The following NIPSNAP2 variants were observed in gnomAD, a reference collection of about 807,000 sequenced individuals.
NIPSNAP2 encodes the protein protein NipSnap homolog 2.
A neutral mutation model predicts 48.4 loss-of-function variants in NIPSNAP2; 42 were observed. The ratio of observed to expected loss-of-function variants is 0.87; its 90% confidence interval spans 0.68 to 1.12. NIPSNAP2 has a LOEUF of 1.12. NIPSNAP2 is among the 50% of genes most tolerant of loss of function. The pLI is 0.00. For synonymous variants in NIPSNAP2, 158 were observed against 126.6 expected (o/e 1.25, Z -1.67); for missense variants, 314 against 347.3 (o/e 0.90, Z 0.76).
At chr7:55,974,982 T>C (rs1281684153) in intron 1 of NIPSNAP2, among the ~76,000 whole-genome samples, 1 of 152,032 alleles carries the variant, frequency 6.6e-6, no homozygotes, top group African/African-American at 2.4e-5. Flanking sequence ...ATTCTGGACA[T>C]TTATGCTGGC....
intron 1 of NIPSNAP2, among the ~76,000 whole-genome samples, chr7:55,969,398 C>G (rs1307106253): frequency 6.6e-6 from 1 of 152,186 alleles, no homozygotes; most frequent in African/African-American, 2.4e-5. Context: ...TTGGCCTTCA[C>G]TGGTTCTGCT....
At chr7:55,993,846 A>G (rs137912585) in intron 7 of NIPSNAP2, among the ~76,000 whole-genome samples, 1 of 152,102 alleles carries the variant, frequency 6.6e-6, no homozygotes, top group African/African-American at 2.4e-5. Flanking sequence ...GGCACAATGT[A>G]TATTAGTACT....
At chr7:55,981,451 G>A in intron 3 of NIPSNAP2, 22 bp from the exon 4 acceptor site, 2 of 1,589,712 alleles carry the variant, frequency 1.3e-6, no homozygotes, top group Non-Finnish European at 1.7e-6. Context: ...TTTAATTAGT[G>A]TTGCTGTTTC....
Position 55,983,860 on chromosome 7 carries a change from C to G in NIPSNAP2, c.577C>G (p.Gln193Glu). ...TAATATATATGAACTCAGGTCTTAC[C>G]AACTCCGAGTAAGTACAGAAATATA... ...GPNIYELRSY[Q>E]LRPGTMIEWG... Residue 193 changes from glutamine (Q) to glutamate (E), a missense_variant, in exon 6 of 10, where the codon CAA becomes GAA. Gln to Glu is a conservative substitution (Grantham distance 29). Transcript: ENST00000322090. 6.2e-7 allele frequency: 1 copy of G among 1,613,050 alleles called. No individual in the cohort carries two copies. The highest frequency in any genetic ancestry group is 8.5e-7 in the Non-Finnish European group (1 of 1,179,674).
intron 1 of NIPSNAP2, among the ~76,000 whole-genome samples, chr7:55,970,362 G>A (rs1179961173): frequency 6.7e-6 from 1 of 150,350 alleles, no homozygotes; most frequent in East Asian, 2.0e-4. Context: ...AGGCTGGAGA[G>A]CAGTGGCGTG....
rs1365563780 is a variant in NIPSNAP2, at chr7:56,000,099, A to T, written c.*1027A>T. 1 of 152,650 alleles carries T rather than the reference A, an allele frequency of 6.6e-6. No homozygotes were observed. The highest frequency in any genetic ancestry group is 6.5e-5 in the Admixed American group (1 of 15,274). 9.5% of individuals were successfully genotyped at this position (152,650 alleles called of 1,614,324 possible). On this transcript the variant is annotated 3_prime_UTR_variant, in exon 10 of 10. Transcript: ENST00000322090. ...TATGTGTAAAGTGTGAATAAATCTCATATCAAATGTCAAACTTTTACATGT... is the reference window on the plus strand; with the variant it reads ...TATGTGTAAAGTGTGAATAAATCTCTTATCAAATGTCAAACTTTTACATGT...
chr7:55,983,603 G>A, intron 5 of NIPSNAP2, 125 bp from the exon 6 acceptor site: 3 of 851,138 alleles, frequency 3.5e-6, no homozygotes, highest in Non-Finnish European at 5.5e-6. Flanking sequence ...AACTGGGACT[G>A]TCTCAGGCCA....
At chr7:55,970,784 C>A (rs1439823126) in intron 1 of NIPSNAP2, among the ~76,000 whole-genome samples, 2 of 152,080 alleles carry the variant, frequency 1.3e-5, no homozygotes, top group African/African-American at 4.8e-5. Flanking sequence ...CATGTTGTTC[C>A]CATTGACTGG....
intron 7 of NIPSNAP2, among the ~76,000 whole-genome samples, chr7:55,989,552 GC>G (rs769533959): frequency 6.6e-6 from 1 of 152,062 alleles, no homozygotes; most frequent in Non-Finnish European, 1.5e-5. Context: ...TTGAGCCCTT[GC>G]TGTTGAGGCT....
chr7:55,995,446 A>G (rs1487497316), intron 8 of NIPSNAP2, among the ~76,000 whole-genome samples: 2 of 151,736 alleles, frequency 1.3e-5, no homozygotes, highest in Non-Finnish European at 2.9e-5. Context: ...ATCCCCACAC[A>G]CTTTTGTTTG....
intron 1 of NIPSNAP2, among the ~76,000 whole-genome samples, chr7:55,972,835 G>T (rs1787041224): frequency 6.6e-6 from 1 of 152,116 alleles, no homozygotes; most frequent in African/African-American, 2.4e-5. Flanking sequence ...GGGTGTGGTG[G>T]TTCACGCCTA....
chr7:55,970,181 T>A (rs1247975379), intron 1 of NIPSNAP2, among the ~76,000 whole-genome samples: 8 of 151,940 alleles, frequency 5.3e-5, no homozygotes, highest in Admixed American at 5.3e-4. Context: ...CTAGTGAGTA[T>A]TTATTGAGTG....
In NIPSNAP2 at chr7:55,978,170, T is replaced by C; in HGVS notation, c.137T>C (p.Leu46Pro). 17 of 1,614,184 alleles carry C rather than the reference T, an allele frequency of 1.1e-5. No individual in the cohort carries two copies. Among genetic ancestry groups the C allele is most frequent in the Non-Finnish European group, 1.4e-5 (16 of 1,180,036 alleles). Residue 46 changes from leucine to proline, a missense_variant, in exon 2 of 10, where the codon CTA becomes CCA. Leu to Pro is a moderately conservative substitution (Grantham distance 98). This residue lies in a region of NIPSNAP2 where 198 missense variants were observed against 185.5 expected (regional missense o/e 1.07). Transcript: ENST00000322090. ...AACAGATCTCGAGAAGACAGCTGGC[T>C]AAAATCCTTATTTGTCCGGAAAGTT... The part of the protein sequence containing the change: ...SSNRSREDSW[L>P]KSLFVRKVDP...
At chr7:55,979,495 T>C in intron 3 of NIPSNAP2, 1 of 282,664 alleles carries the variant, frequency 3.5e-6, no homozygotes, top group Non-Finnish European at 7.0e-6. Flanking sequence ...GTTCCTTAGT[T>C]CTCTGTGGTG....
At chr7:55,989,472 A>G (rs923794129) in intron 7 of NIPSNAP2, among the ~76,000 whole-genome samples, 35 of 152,062 alleles carry the variant, frequency 2.3e-4, no homozygotes, top group African/African-American at 8.5e-4. Flanking sequence ...AAAAAATACT[A>G]AATTAGCCAG....
intron 1 of NIPSNAP2, among the ~76,000 whole-genome samples, chr7:55,972,308 CAAA>C (rs139960312): frequency 7.1e-6 from 1 of 141,294 alleles, no homozygotes; most frequent in South Asian, 2.2e-4. Flanking sequence ...GACTCTGTCT[CAAA>C]AAAAAAAAAG....
intron 1 of NIPSNAP2, among the ~76,000 whole-genome samples, chr7:55,975,530 A>G (rs1787091628): frequency 6.6e-6 from 1 of 152,172 alleles, no homozygotes; most frequent in African/African-American, 2.4e-5. Flanking sequence ...GGGACAAGGA[A>G]CACAGCAGTG....
At chr7:55,984,718 A>C (rs1584346422) in intron 6 of NIPSNAP2, 129 bp from the exon 7 acceptor site, 2 of 37,194 alleles carry the variant, frequency 5.4e-5, no homozygotes, top group Admixed American at 6.0e-4. Context: ...ATTCTGTCTC[A>C]AAAAAAAAAA....
chr7:55,994,986 G>T lies in NIPSNAP2; in HGVS notation c.710G>T (p.Trp237Leu). The T allele has an allele frequency of 6.2e-7, 1 of 1,613,278 alleles. No individual in the cohort carries two copies. Among genetic ancestry groups the T allele is most frequent in the Non-Finnish European group, 8.5e-7 (1 of 1,179,262 alleles). The change falls in exon 8 of 10, where the codon TGG becomes TTG. Residue 237 changes from tryptophan to leucine, a missense_variant and splice_region_variant. By Grantham distance (61) the Trp-to-Leu change is moderately conservative. This residue lies in a region of NIPSNAP2 where 116 missense variants were observed against 161.8 expected (regional missense o/e 0.72). Coordinates refer to ENST00000322090, the MANE Select transcript of NIPSNAP2 (RefSeq NM_001483.3). Reference sequence around the variant, plus strand: ...CAGCTGTACATGGTGCACCATCTTTGGGGTATCTGTTTTTCCCTTTTCGAG... The same window carrying T: ...CAGCTGTACATGGTGCACCATCTTTTGGGTATCTGTTTTTCCCTTTTCGAG... ...IGQLYMVHHLWAYRDLQTRED... is the reference protein window; with the variant it reads ...IGQLYMVHHLLAYRDLQTRED...
Sources: gnomAD v4.1 joint callset for allele counts (sites outside exome capture counted in the v4.1 genomes callset) on GRCh38, gnomAD v4.1.1 for gene constraint, gnomAD v4.1.1 regional missense constraint, MANE v1.5 for transcripts, NCBI Gene and HGNC (gene_info 2026-07-23, HGNC 2026-07-21) for gene names.